METTL6: variants seen among roughly 807,000 people sequenced by gnomAD.
METTL6 encodes tRNA N(3)-cytidine methyltransferase METTL6.
METTL6 carries 22 observed loss-of-function variants against 26.4 expected under a neutral mutation model. The observed-to-expected ratio is 0.83, with a 90% CI of 0.59 to 1.19. The LOEUF is 1.19. Among genes scored for constraint, METTL6 ranks in the 50% most tolerant of loss-of-function variants. The pLI is 0.00. For missense variants in METTL6, 304 were observed against 324.8 expected (o/e 0.94, Z 0.49); for synonymous variants, 109 against 116.2 (o/e 0.94, Z 0.40).
At chr3:15,400,655 A>G (rs1699614721) in intron 6 of METTL6, among the ~76,000 whole-genome samples, 1 of 152,236 alleles carries the variant, frequency 6.6e-6, no homozygotes, top group South Asian at 2.1e-4. Flanking sequence ...AGAAGTTCTA[A>G]CGATGCTAGA....
chr3:15,394,091 C>A lies in METTL6; in HGVS notation c.*12-9904G>T, dbSNP rs189445624. Among the ~76,000 whole-genome samples the A allele has an allele frequency of 5.5e-3, 844 of 152,310 alleles. 7 individuals are homozygous for A. Among genetic ancestry groups the A allele is most frequent in the African/African-American group, 0.018 (758 of 41,562 alleles). Reference sequence around the variant, plus strand: ...GGAATGGTACCAGCTCCTCCTTGAACCTCTGGTAGAATTCGGCTGTGAATC... The same window carrying A: ...GGAATGGTACCAGCTCCTCCTTGAAACTCTGGTAGAATTCGGCTGTGAATC... On this transcript the variant is annotated intron_variant, in intron 6 of 6. Coordinates refer to the METTL6 transcript ENST00000443029.
chr3:15,406,622 AT>A (rs1559485692), downstream of METTL6, among the ~76,000 whole-genome samples: 2 of 99,412 alleles, frequency 2.0e-5, no homozygotes, highest in African/African-American at 9.0e-5. Context: ...ATATATATAT[AT>A]ATATATAGAG....
At chr3:15,412,833 A>G (rs1398560077) in intron 5 of METTL6, among the ~76,000 whole-genome samples, 1 of 152,196 alleles carries the variant, frequency 6.6e-6, no homozygotes, top group African/African-American at 2.4e-5. Flanking sequence ...AAGAAGAAAA[A>G]TGTTTGTTAA....
At chr3:15,422,013 T>C (rs2061621456) in intron 3 of METTL6, among the ~76,000 whole-genome samples, 1 of 152,138 alleles carries the variant, frequency 6.6e-6, no homozygotes, top group Non-Finnish European at 1.5e-5. Flanking sequence ...CTAATGTGGC[T>C]GAGTGTGGTG....
chr3:15,390,892 A>C (rs1359237448), intron 6 of METTL6, among the ~76,000 whole-genome samples: 1 of 145,604 alleles, frequency 6.9e-6, no homozygotes, highest in Admixed American at 6.7e-5. Context: ...GGCTCTCAGC[A>C]TCCAGGAAGA....
chr3:15,385,539 A>C (rs1699169761), intron 6 of METTL6, among the ~76,000 whole-genome samples: 1 of 152,172 alleles, frequency 6.6e-6, no homozygotes, highest in African/African-American at 2.4e-5. Flanking sequence ...CAGAGGTTGC[A>C]GTGAGCCAAG....
chr3:15,382,882 A>G (rs1165445685), exon 7 of METTL6: 1 of 152,210 alleles, frequency 6.6e-6, no homozygotes, highest in African/African-American at 2.4e-5. Context: ...CCAGATTCAG[A>G]AAGACAAATA....
intron 6 of METTL6, among the ~76,000 whole-genome samples, chr3:15,400,410 C>T (rs945955853): frequency 1.3e-5 from 2 of 152,126 alleles, no homozygotes; most frequent in Admixed American, 1.3e-4. Flanking sequence ...TGTGTCTTTC[C>T]TCTTGTTAAT....
At chr3:15,414,867 A>T in intron 4 of METTL6, 1 of 733,656 alleles carries the variant, frequency 1.4e-6, no homozygotes, top group Non-Finnish European at 2.0e-6. Context: ...GGCTGCAGTG[A>T]GCCACGTCCA....
At chr3:15,421,288 C>A (rs1056787008) in intron 3 of METTL6, among the ~76,000 whole-genome samples, 2 of 152,146 alleles carry the variant, frequency 1.3e-5, no homozygotes, top group Non-Finnish European at 2.9e-5. Flanking sequence ...TGATAAAACA[C>A]GATACATACT....
chr3:15,385,161 TACCCA>T (rs938055653), intron 6 of METTL6, among the ~76,000 whole-genome samples: 1 of 152,224 alleles, frequency 6.6e-6, no homozygotes, highest in Non-Finnish European at 1.5e-5. Flanking sequence ...GCTGATAAAT[TACCCA>T]AAATGCTATC....
At chr3:15,402,813 T>A (rs186484921) in intron 6 of METTL6, among the ~76,000 whole-genome samples, 180 of 150,154 alleles carry the variant, frequency 1.2e-3, no homozygotes, top group Non-Finnish European at 2.2e-3. Flanking sequence ...CAATCTTAGG[T>A]TCTACAATAG....
At chr3:15,399,517 AAGAGAG>A (rs1162579753) in intron 6 of METTL6, 2 of 145,596 alleles carry the variant, frequency 1.4e-5, no homozygotes. Context: ...CAGAAAGAAA[AAGAGAG>A]AGAGAGAGTT....
intron 6 of METTL6, among the ~76,000 whole-genome samples, chr3:15,400,557 G>A (rs879588974): frequency 3.4e-4 from 52 of 152,244 alleles, no homozygotes; most frequent in South Asian, 2.7e-3. Flanking sequence ...GTATCATTTA[G>A]CTCATGGTGG....
intron 6 of METTL6, among the ~76,000 whole-genome samples, chr3:15,404,226 C>T (rs1313354042): frequency 2.6e-5 from 4 of 152,184 alleles, no homozygotes; most frequent in Admixed American, 1.3e-4. Context: ...CTACCCTGCA[C>T]TCCAGCCATA....
chr3:15,415,425 G>C, intron 4 of METTL6: 1 of 1,421,270 alleles, frequency 7.0e-7, no homozygotes, highest in East Asian at 2.5e-5. Context: ...CCAAAGTGTT[G>C]GGATTACAGG....
At position 15,410,449 on chromosome 3, in the gene METTL6, T is replaced by A. The variant is rs1699921274; in HGVS notation, c.*807A>T. Among the ~76,000 whole-genome samples the A allele has an allele frequency of 6.6e-6, 1 of 152,034 alleles. No individual in the cohort carries two copies. The highest frequency in any genetic ancestry group is 1.9e-4 in the East Asian group (1 of 5,170). ...GCTAACCTCCCACCCCAGCTGGGAC[T>A]ACAGGCACATGCCACCACATTTGGC... On this transcript the variant is annotated 3_prime_UTR_variant, in exon 6 of 6. Transcript: ENST00000383790.
intron 6 of METTL6, among the ~76,000 whole-genome samples, chr3:15,400,119 C>T (rs1440170096): frequency 6.6e-6 from 1 of 152,104 alleles, no homozygotes; most frequent in Non-Finnish European, 1.5e-5. Flanking sequence ...AGGCGGCCAC[C>T]CTTCTGAAGG....
intron 3 of METTL6, among the ~76,000 whole-genome samples, chr3:15,423,633 G>A (rs1392615184): frequency 6.6e-6 from 1 of 152,228 alleles, no homozygotes; most frequent in Non-Finnish European, 1.5e-5. Context: ...AGCACTTTGG[G>A]AGGCTGAGGT....
Sources: gnomAD v4.1 joint callset for allele counts (sites outside exome capture counted in the v4.1 genomes callset) on GRCh38, gnomAD v4.1.1 for gene constraint, MANE v1.5 for transcripts, NCBI Gene and HGNC (gene_info 2026-07-23, HGNC 2026-07-21) for gene names.